Variants in MIPOL1 observed in about 807,000 individuals in gnomAD.
MIPOL1 encodes mirror-image polydactyly gene 1 protein.
In MIPOL1, 57 loss-of-function variants were observed where a neutral mutation model predicts 60.9. The observed-to-expected ratio is 0.94, with a 90% CI of 0.76 to 1.17. MIPOL1 has a LOEUF of 1.17. Ranked by LOEUF, MIPOL1 falls within the 50% of genes most tolerant of loss-of-function variation. MIPOL1 has a pLI of 0.00. For synonymous variants in MIPOL1, 179 were observed against 168.8 expected, an observed-to-expected ratio of 1.06 and a Z score of -0.47; for missense variants, 551 against 511.6, an observed-to-expected ratio of 1.08 and a Z score of -0.74.
intron 10 of MIPOL1, among the ~76,000 whole-genome samples, chr14:37,395,769 C>G (rs573911340): frequency 6.6e-6 from 1 of 152,062 alleles, no homozygotes; most frequent in African/African-American, 2.4e-5. Flanking sequence ...TGTCTGATTG[C>G]TCTGGCTAGG....
At chr14:37,471,197 G>A (rs2094684467) in intron 11 of MIPOL1, among the ~76,000 whole-genome samples, 1 of 152,112 alleles carries the variant, frequency 6.6e-6, no homozygotes, top group Non-Finnish European at 1.5e-5. Context: ...GATAAAGACA[G>A]CAAACATAGA....
At chr14:37,531,402 A>G (rs1270577476) in intron 12 of MIPOL1, among the ~76,000 whole-genome samples, 1 of 152,118 alleles carries the variant, frequency 6.6e-6, no homozygotes, top group Non-Finnish European at 1.5e-5. Context: ...TATTACCTGC[A>G]CTGAACAACT....
intron 7 of MIPOL1, among the ~76,000 whole-genome samples, chr14:37,294,899 A>T (rs950918424): frequency 2.0e-5 from 3 of 152,140 alleles, no homozygotes; most frequent in Non-Finnish European, 2.9e-5. Flanking sequence ...CATCCAGGAG[A>T]ACTTCCCCAA....
At chr14:37,263,102 C>G (rs1424607352) in intron 3 of MIPOL1, among the ~76,000 whole-genome samples, 1 of 152,082 alleles carries the variant, frequency 6.6e-6, no homozygotes, top group Admixed American at 6.6e-5. Flanking sequence ...GAATTGAACT[C>G]AAAGGGAATC....
chr14:37,530,581 T>A (rs1483624404), intron 12 of MIPOL1, among the ~76,000 whole-genome samples: 3 of 152,206 alleles, frequency 2.0e-5, no homozygotes, highest in Non-Finnish European at 2.9e-5. Context: ...AAAGTTATTC[T>A]GAATGATAAA....
intron 12 of MIPOL1, among the ~76,000 whole-genome samples, chr14:37,544,337 C>G (rs2095540081): frequency 6.6e-6 from 1 of 152,150 alleles, no homozygotes; most frequent in African/African-American, 2.4e-5. Flanking sequence ...TTTTTAGTGA[C>G]TTTGTCTCCT....
intron 7 of MIPOL1, among the ~76,000 whole-genome samples, chr14:37,291,292 A>G (rs1392988170): frequency 6.6e-6 from 1 of 152,128 alleles, no homozygotes; most frequent in Non-Finnish European, 1.5e-5. Context: ...CTTATATGGG[A>G]CATTTTTGTC....
chr14:37,227,198 T>C (rs999261777), intron 1 of MIPOL1, among the ~76,000 whole-genome samples: 2 of 152,146 alleles, frequency 1.3e-5, no homozygotes, highest in Non-Finnish European at 2.9e-5. Context: ...GCAGTAGGGC[T>C]GGGGATTTTT....
At chr14:37,230,629 T>C (rs915257854) in intron 1 of MIPOL1, among the ~76,000 whole-genome samples, 1 of 152,192 alleles carries the variant, frequency 6.6e-6, no homozygotes, top group African/African-American at 2.4e-5. Flanking sequence ...AAATGAGAAA[T>C]TTTGGTCAGA....
At chr14:37,208,799 C>T (rs1966510825) in intron 1 of MIPOL1, among the ~76,000 whole-genome samples, 1 of 152,080 alleles carries the variant, frequency 6.6e-6, no homozygotes, top group South Asian at 2.1e-4. Flanking sequence ...CCATGTTGGC[C>T]AGGCTGGTCT....
At chr14:37,475,827 C>T (rs530385337) in intron 11 of MIPOL1, among the ~76,000 whole-genome samples, 13 of 152,218 alleles carry the variant, frequency 8.5e-5, no homozygotes, top group South Asian at 4.1e-4. Flanking sequence ...ATTACCATAG[C>T]GGTATAGTAA....
intron 10 of MIPOL1, among the ~76,000 whole-genome samples, chr14:37,407,753 A>G (rs1330135699): frequency 1.3e-5 from 2 of 151,516 alleles, no homozygotes; most frequent in Admixed American, 6.6e-5. Flanking sequence ...TTTACCTTGT[A>G]CTATTCTTAA....
intron 9 of MIPOL1, among the ~76,000 whole-genome samples, chr14:37,308,988 T>G (rs2087040592): frequency 6.6e-6 from 1 of 152,132 alleles, no homozygotes; most frequent in African/African-American, 2.4e-5. Flanking sequence ...CTGCTCTACC[T>G]GAAACCTGAT....
chr14:37,405,222 G>A (rs1440509553), intron 10 of MIPOL1, among the ~76,000 whole-genome samples: 1 of 152,120 alleles, frequency 6.6e-6, no homozygotes, highest in African/African-American at 2.4e-5. Context: ...TGCTGCTGTT[G>A]TCTGAAGCAT....
intron 9 of MIPOL1, among the ~76,000 whole-genome samples, chr14:37,351,129 A>G (rs1029621769): frequency 2.3e-4 from 32 of 141,622 alleles, no homozygotes; most frequent in African/African-American, 6.6e-4. Flanking sequence ...TCATTGTTCA[A>G]TTCCCACCTA....
chr14:37,396,135 G>T (rs1336274078), intron 10 of MIPOL1, among the ~76,000 whole-genome samples: 1 of 151,710 alleles, frequency 6.6e-6, no homozygotes, highest in Non-Finnish European at 1.5e-5. Context: ...TCCAGGATTT[G>T]TTTCAAGATT....
At chr14:37,327,822 A>G (rs1595157188) in intron 9 of MIPOL1, among the ~76,000 whole-genome samples, 1 of 152,192 alleles carries the variant, frequency 6.6e-6, no homozygotes, top group East Asian at 1.9e-4. Context: ...AAGAAGGCAG[A>G]AGAATAGCAA....
chr14:37,512,091 G>C (rs1452555757), intron 12 of MIPOL1, among the ~76,000 whole-genome samples: 3 of 152,006 alleles, frequency 2.0e-5, no homozygotes, highest in African/African-American at 7.3e-5. Flanking sequence ...CATTTCAATT[G>C]ATAGGTTTTG....
chr14:37,530,279 A>G (rs1293471965), intron 12 of MIPOL1, among the ~76,000 whole-genome samples: 4 of 152,206 alleles, frequency 2.6e-5, no homozygotes, highest in Non-Finnish European at 5.9e-5. Flanking sequence ...TTTCAATACT[A>G]AGAACTAATT....
Sources: gnomAD v4.1 joint callset for allele counts (sites outside exome capture counted in the v4.1 genomes callset) on GRCh38, gnomAD v4.1.1 for gene constraint, MANE v1.5 for transcripts, NCBI Gene and HGNC (gene_info 2026-07-23, HGNC 2026-07-21) for gene names.